Variants in EHD4 observed in about 807,000 individuals in gnomAD.
The protein encoded by EHD4 is EH domain containing 4, also known as EH domain-containing protein 4.
In EHD4, 37 loss-of-function variants were observed where a neutral mutation model predicts 51.0. The observed-to-expected ratio is 0.73, with a 90% CI of 0.56 to 0.95. The LOEUF (loss-of-function observed/expected upper bound fraction) is 0.95, where lower values mean the gene tolerates loss of function less well. Ranked by LOEUF, EHD4 falls within the 40% of genes least tolerant of loss-of-function variation. EHD4 has a pLI of 0.00. For missense variants in EHD4, 632 were observed against 733.1 expected, an observed-to-expected ratio of 0.86 and a Z score of 1.59; for synonymous variants, 297 against 317.3, an observed-to-expected ratio of 0.94 and a Z score of 0.68.
At chr15:41,930,881 G>C (rs1204954321) in intron 3 of EHD4, among the ~76,000 whole-genome samples, 1 of 152,190 alleles carries the variant, frequency 6.6e-6, no homozygotes, top group African/African-American at 2.4e-5. Context: ...GTTACCAACA[G>C]TATTTCAAAA....
chr15:41,914,012 T>C (rs976599439), intron 4 of EHD4, among the ~76,000 whole-genome samples: 8 of 151,394 alleles, frequency 5.3e-5, no homozygotes, highest in African/African-American at 2.0e-4. Flanking sequence ...ACACGTACAC[T>C]CTGACACAGA....
chr15:41,903,379 A>G (rs2067491249), intron 5 of EHD4, among the ~76,000 whole-genome samples: 2 of 151,714 alleles, frequency 1.3e-5, no homozygotes, highest in African/African-American at 2.4e-5. Context: ...AATTTAAAAT[A>G]ATTTATAATC....
At chr15:41,942,830 C>CGTTTACCCCA in intron 3 of EHD4, 7 of 424,368 alleles carry the variant, frequency 1.6e-5, no homozygotes, top group South Asian at 2.6e-5. Context: ...TTACCCCACT[C>CGTTTACCCCA]CTCATCTTCA....
rs1272031305 is a variant in EHD4 at position 41,898,258 on chromosome 15, A to T, written c.*2387T>A. On this transcript the variant is annotated 3_prime_UTR_variant, in exon 6 of 6. Coordinates refer to ENST00000220325, the MANE Select transcript of EHD4 (RefSeq NM_139265.4). ...AGGTAGGGAGATCACAGTGCCTGAG[A>T]GGTTTTCCTCCACGGAGAAATCAGA... 1 of 152,166 alleles carries T rather than the reference A, an allele frequency of 6.6e-6. No homozygotes were observed. The highest frequency in any genetic ancestry group is 1.5e-5 in the Non-Finnish European group (1 of 68,042). 9.4% of individuals were successfully genotyped at this position (152,166 alleles called of 1,614,324 possible).
In EHD4 at chr15:41,914,783, G is replaced by T. The variant is rs1416499958; in HGVS notation, c.924+4427C>A. 1.2e-4 allele frequency among the ~76,000 whole-genome samples: 13 copies of T among 109,204 alleles called. No homozygotes were observed. In the Admixed American group the frequency reaches 1.7e-3, roughly 14 times the overall value. The allele number at this position is 109,204 out of a possible 152,430, so 71.6% of individuals were successfully genotyped here. A position where few individuals can be genotyped will look rare whatever the true frequency, so the allele number is the denominator to read the frequency against. Reference sequence around the variant, plus strand: ...AAAAATGCCTCATTTCTTTACAGGAGAATTTTTTTTTTTTTTTTTTGAAAT... The same window carrying T: ...AAAAATGCCTCATTTCTTTACAGGATAATTTTTTTTTTTTTTTTTTGAAAT... On this transcript the variant is annotated intron_variant, in intron 4 of 5. Transcript: ENST00000220325.
intron 1 of EHD4, among the ~76,000 whole-genome samples, chr15:41,963,554 G>A (rs1392861924): frequency 1.3e-5 from 2 of 150,040 alleles, no homozygotes; most frequent in African/African-American, 2.5e-5. Context: ...AGCCGAGAAC[G>A]TGCTACTGCA....
Position 41,953,898 on chromosome 15 carries a change from C to T in EHD4, c.279G>A (p.Pro93=), listed in dbSNP as rs755750781. The change falls in exon 2 of 6, where the codon CCG becomes CCA. Residue 93 remains proline (P), a synonymous_variant. Transcript: ENST00000220325. ...CGATGAAGGAGTCTGTGGTGGGCTCCGGACCAATCCTCATGCCTGGGAAAT... is the reference window on the plus strand; with the variant it reads ...CGATGAAGGAGTCTGTGGTGGGCTCTGGACCAATCCTCATGCCTGGGAAAT... The part of the protein sequence containing the change: ...EQDFPGMRIG[P]EPTTDSFIAV... 2.0e-5 allele frequency: 33 copies of T among 1,613,230 alleles called. No homozygotes were observed. In the African/African-American group the frequency reaches 2.1e-4, roughly 10 times the overall value.
chr15:41,908,418 T>C (rs921152886), intron 5 of EHD4: 5 of 152,304 alleles, frequency 3.3e-5, no homozygotes, highest in African/African-American at 1.2e-4. Context: ...CTCTCTGCTT[T>C]CACCTTTCCC....
At chr15:41,970,283 C>T (rs565951218) in intron 1 of EHD4, among the ~76,000 whole-genome samples, 3 of 152,290 alleles carry the variant, frequency 2.0e-5, no homozygotes, top group Admixed American at 2.0e-4. Context: ...TGTACATCAC[C>T]TAACAACAAA....
In EHD4 at chr15:41,962,741, T is replaced by C. The variant is rs551604403; in HGVS notation, c.237-8801A>G. Among the ~76,000 whole-genome samples the C allele has an allele frequency of 2.6e-5, 4 of 151,896 alleles. No individual in the cohort carries two copies. The East Asian group carries it at 5.8e-4, about 22-fold the overall frequency. On this transcript the variant is annotated intron_variant, in intron 1 of 5. Transcript: ENST00000220325. ...GGGGGGCGCCTCTGCCCAGCCACCC[T>C]GTCTGGGAAGTGAGGAGCCCCTCTG... is the stretch of plus-strand genomic sequence containing the variant.
At position 41,943,111 on chromosome 15, in the gene EHD4, T is replaced by C; in HGVS notation, c.467A>G (p.Asp156Gly). ...CTCCCCAGAAAGGATGCCGGGGCTG[T>C]CGATGACGCTGATGCTCTTCAGGAC... ...NQVLKSISVI[D>G]SPGILSGEKQ... The change falls in exon 3 of 6, where the codon GAC becomes GGC. Residue 156 changes from aspartate to glycine, a missense_variant. Coordinates refer to ENST00000220325, the MANE Select transcript of EHD4 (RefSeq NM_139265.4). 1 of 1,592,954 alleles carries C rather than the reference T, an allele frequency of 6.3e-7. No homozygotes were observed. The highest frequency in any genetic ancestry group is 8.5e-7 in the Non-Finnish European group (1 of 1,169,770).
intron 3 of EHD4, among the ~76,000 whole-genome samples, chr15:41,940,634 G>A (rs1013658578): frequency 4.6e-5 from 7 of 152,196 alleles, no homozygotes; most frequent in Non-Finnish European, 8.8e-5. Context: ...AGGGACCGCC[G>A]ACTGGCTGGA....
At chr15:41,903,588 C>T (rs1047565942) in intron 5 of EHD4, among the ~76,000 whole-genome samples, 4 of 151,930 alleles carry the variant, frequency 2.6e-5, no homozygotes, top group African/African-American at 9.7e-5. Context: ...GAATATTGAA[C>T]TTAGACTGTA....
At chr15:41,902,857 G>A (rs2067487278) in intron 5 of EHD4, among the ~76,000 whole-genome samples, 1 of 149,220 alleles carries the variant, frequency 6.7e-6, no homozygotes, top group African/African-American at 2.5e-5. Context: ...ATATGTTAGG[G>A]AGAGGAAGGG....
chr15:41,961,346 G>A (rs2067923218), intron 1 of EHD4, among the ~76,000 whole-genome samples: 1 of 152,204 alleles, frequency 6.6e-6, no homozygotes, highest in Non-Finnish European at 1.5e-5. Flanking sequence ...GTTTCTTACA[G>A]TTCTATTTGT....
intron 3 of EHD4, among the ~76,000 whole-genome samples, chr15:41,933,352 A>G (rs1566822120): frequency 6.6e-6 from 1 of 152,218 alleles, no homozygotes; most frequent in Non-Finnish European, 1.5e-5. Flanking sequence ...TTCATAGATA[A>G]CAGGAACGGC....
At chr15:41,901,801 C>T (rs1472225028) in intron 5 of EHD4, among the ~76,000 whole-genome samples, 1 of 152,178 alleles carries the variant, frequency 6.6e-6, no homozygotes, top group Admixed American at 6.5e-5. Flanking sequence ...GGGCGCTACT[C>T]AACAGGAACC....
intron 1 of EHD4, among the ~76,000 whole-genome samples, chr15:41,955,801 G>A (rs1349479917): frequency 1.3e-5 from 2 of 152,134 alleles, no homozygotes; most frequent in African/African-American, 4.8e-5. Context: ...CAGAGCGTGT[G>A]GACTCCATAT....
chr15:41,900,689 G>A lies in EHD4; in HGVS notation c.1582C>T (p.Leu528Phe). 6.2e-7 allele frequency: 1 copy of A among 1,605,500 alleles called. No individual in the cohort carries two copies. Among genetic ancestry groups the A allele is most frequent in the Non-Finnish European group, 8.5e-7 (1 of 1,179,142 alleles). Residue 528 changes from leucine (L) to phenylalanine (F), a missense_variant, in exon 6 of 6, where the codon CTC becomes TTC. By Grantham distance (22) the Leu-to-Phe change is conservative. Transcript: ENST00000220325. The surrounding 1 kb of genome is among the most constrained non-coding windows in gnomAD (Gnocchi z 4.8). Reference protein sequence around the residue: ...YELPSSLPPHLVPPSHRKSLP... With the variant: ...YELPSSLPPHFVPPSHRKSLP... Reference sequence around the variant, plus strand: ...GACTTCCTGTGCGAGGGGGGCACGAGGTGGGGGGGCAGGCTGCTGGGCAGC... The same window carrying A: ...GACTTCCTGTGCGAGGGGGGCACGAAGTGGGGGGGCAGGCTGCTGGGCAGC...
Sources: gnomAD v4.1 joint callset for allele counts (sites outside exome capture counted in the v4.1 genomes callset) on GRCh38, gnomAD v4.1.1 for gene constraint, Gnocchi (gnomAD v3.1) non-coding constraint, MANE v1.5 for transcripts, NCBI Gene and HGNC (gene_info 2026-07-23, HGNC 2026-07-21) for gene names.